The following PCM1 variants were observed in gnomAD, a reference collection of about 807,000 sequenced individuals.
PCM1 encodes the protein pericentriolar material 1 protein.
Under a neutral mutation model 241.9 loss-of-function variants are expected in PCM1, and 157 were observed. That is an observed-to-expected ratio of 0.65 (90% CI 0.57 to 0.74). The LOEUF (loss-of-function observed/expected upper bound fraction) is 0.74, where lower values mean the gene tolerates loss of function less well. Among genes scored for constraint, PCM1 ranks in the 30% least tolerant of loss-of-function variants. The pLI, the probability that PCM1 is intolerant of heterozygous loss-of-function variation, is 0.00. For missense variants in PCM1, 3,478 were observed against 2,360.1 expected, an observed-to-expected ratio of 1.47 and a Z score of -9.81; for synonymous variants, 1,085 against 784.9, an observed-to-expected ratio of 1.38 and a Z score of -6.39.
rs1355928915 is a variant in PCM1, at chr8:18,029,709, CTA to C, written c.*2049_*2050del. The C allele has an allele frequency of 1.0e-5, 2 of 196,560 alleles. No homozygotes were observed. Among genetic ancestry groups the C allele is most frequent in the African/African-American group, 4.6e-5 (2 of 43,312 alleles). 12.2% of individuals were successfully genotyped at this position (196,560 alleles called of 1,614,324 possible). A position where few individuals can be genotyped will look rare whatever the true frequency, so the allele number is the denominator to read the frequency against. On this transcript the variant is annotated 3_prime_UTR_variant, in exon 39 of 39. Transcript: ENST00000325083. ...TTATTTAATCTGTTTTCTCTAGTAA[CTA>C]TTGCTGAAGGGTTAGGCATTCAGTA...
At chr8:17,934,555 C>A (rs1371063082) in intron 2 of PCM1, among the ~76,000 whole-genome samples, 1 of 152,130 alleles carries the variant, frequency 6.6e-6, no homozygotes, top group African/African-American at 2.4e-5. Flanking sequence ...GCCACTGCAC[C>A]CAGCCTATTA....
At chr8:17,940,236 A>ATAG in intron 6 of PCM1, 1 of 732,198 alleles carries the variant, frequency 1.4e-6, no homozygotes, top group South Asian at 1.7e-5. Context: ...TGTTATTTTT[A>ATAG]TAGGCGTTCC....
intron 22 of PCM1, among the ~76,000 whole-genome samples, chr8:17,971,078 G>A (rs2076695783): frequency 6.6e-6 from 1 of 152,256 alleles, no homozygotes; most frequent in Middle Eastern, 3.4e-3. Context: ...GTATGGCTGT[G>A]TTCTGCAATA....
chr8:18,006,342 A>G lies in PCM1; in HGVS notation c.4907A>G (p.Asp1636Gly). The G allele has an allele frequency of 6.2e-7, 1 of 1,613,252 alleles. No individual in the cohort carries two copies. The highest frequency in any genetic ancestry group is 8.5e-7 in the Non-Finnish European group (1 of 1,179,324). ...RMVLTLTQQN[D>G]ESKEFVKFFH... ...GTTTTGACCCTTACCCAGCAAAATG[A>G]TGAGAGCAAAGAGTTTGTAAAGTTC... Residue 1636 changes from aspartate to glycine, a missense_variant, in exon 30 of 39, where the codon GAT becomes GGT. By Grantham distance (94) the Asp-to-Gly change is moderately conservative. Coordinates refer to ENST00000325083, the MANE Select transcript of PCM1 (RefSeq NM_006197.4).
At chr8:18,013,747 A>G (rs10103879) in intron 34 of PCM1, 1 of 469,784 alleles carries the variant, frequency 2.1e-6, no homozygotes, top group Admixed American at 4.2e-5. Flanking sequence ...GTTGTATTAT[A>G]CTGTGTGTGT....
intron 34 of PCM1, among the ~76,000 whole-genome samples, chr8:18,012,128 G>A (rs1462059893): frequency 1.3e-5 from 2 of 151,980 alleles, no homozygotes; most frequent in East Asian, 3.9e-4. Flanking sequence ...CCAAAGTTCT[G>A]GGATTACAGA....
chr8:17,967,041 G>T lies in PCM1; in HGVS notation c.3283G>T (p.Gly1095Cys). 6.2e-7 allele frequency: 1 copy of T among 1,609,530 alleles called. No homozygotes were observed. Among genetic ancestry groups the T allele is most frequent in the Non-Finnish European group, 8.5e-7 (1 of 1,177,790 alleles). ...AAATCAGCATCCAGAAAAACCTGGAGGCAAGGAAAGAGGCAGTAGTGCATC... is the reference window on the plus strand; with the variant it reads ...AAATCAGCATCCAGAAAAACCTGGATGCAAGGAAAGAGGCAGTAGTGCATC... ...QQNQHPEKPGGKERGSSASHP... is the reference protein window; with the variant it reads ...QQNQHPEKPGCKERGSSASHP... Residue 1095 changes from glycine to cysteine, a missense_variant, in exon 21 of 39, where the codon GGC (glycine) becomes TGC (cysteine). Coordinates refer to ENST00000325083, the MANE Select transcript of PCM1 (RefSeq NM_006197.4).
intron 21 of PCM1, among the ~76,000 whole-genome samples, chr8:17,969,202 C>A (rs958212720): frequency 1.3e-5 from 2 of 152,050 alleles, no homozygotes; most frequent in Non-Finnish European, 2.9e-5. Context: ...TGATTTCTAA[C>A]CGTATTTGCT....
chr8:17,946,961 T>G (rs2064049663), intron 6 of PCM1, among the ~76,000 whole-genome samples: 1 of 152,030 alleles, frequency 6.6e-6, no homozygotes, highest in South Asian at 2.1e-4. Context: ...GAGCCATTGA[T>G]TATGTAGCTT....
At chr8:18,013,760 G>T (rs1294695680) in intron 34 of PCM1, 5 of 508,946 alleles carry the variant, frequency 9.8e-6, no homozygotes, top group Non-Finnish European at 1.0e-5. Flanking sequence ...GTGTGTGTGT[G>T]TTTTTAAGGC....
chr8:17,989,355 CAT>C (rs2083697872), intron 26 of PCM1, among the ~76,000 whole-genome samples: 1 of 151,910 alleles, frequency 6.6e-6, no homozygotes, highest in Admixed American at 6.6e-5. Context: ...AATCTGGTTA[CAT>C]GAGTGTATAC....
At chr8:17,995,925 T>G (rs1228128791) in intron 29 of PCM1, among the ~76,000 whole-genome samples, 1 of 152,186 alleles carries the variant, frequency 6.6e-6, no homozygotes, top group African/African-American at 2.4e-5. Flanking sequence ...CTAATAGTAT[T>G]CTTGTGGAGT....
chr8:18,013,504 AACT>A, intron 34 of PCM1, among the ~76,000 whole-genome samples: 1 of 152,270 alleles, frequency 6.6e-6, no homozygotes, highest in East Asian at 1.9e-4. Context: ...AGTTTTAAAC[AACT>A]ACCACCACCG....
At position 18,025,669 on chromosome 8, in the gene PCM1, T is replaced by C. The variant is rs372296135; in HGVS notation, c.6049+11T>C. On this transcript the variant is annotated intron_variant, in intron 38 of 38. Coordinates refer to ENST00000325083, the MANE Select transcript of PCM1 (RefSeq NM_006197.4). ...CACTAAAAGAACCTGGTAAGAGTTA[T>C]CAATTTAAATCTTGCCATATTGAAA... 2.2e-5 allele frequency: 30 copies of C among 1,379,626 alleles called. 1 individual carries two copies. The African/African-American group carries it at 3.2e-4, about 15-fold the overall frequency. 85.5% of individuals were successfully genotyped at this position (1,379,626 alleles called of 1,614,324 possible). A position where few individuals can be genotyped will look rare whatever the true frequency, so the allele number is the denominator to read the frequency against.
At chr8:17,940,033 A>G (rs757792118) in intron 6 of PCM1, 172 bp downstream of exon 6, 3 of 1,524,126 alleles carry the variant, frequency 2.0e-6, no homozygotes, top group Admixed American at 1.8e-5. Flanking sequence ...TACCGCTAAA[A>G]TATTTCAGGC....
At chr8:17,932,197 A>G (rs1665192234) in intron 2 of PCM1, among the ~76,000 whole-genome samples, 1 of 152,132 alleles carries the variant, frequency 6.6e-6, no homozygotes, top group South Asian at 2.1e-4. Flanking sequence ...GTCATTTGAC[A>G]TTTAGTGTTG....
intron 15 of PCM1, among the ~76,000 whole-genome samples, chr8:17,961,389 C>G (rs1413225635): frequency 1.4e-5 from 2 of 141,086 alleles, no homozygotes; most frequent in African/African-American, 5.3e-5. Flanking sequence ...CGGCTCACTG[C>G]AAGCTCCACC....
chr8:17,963,576 A>G (rs1289995978), intron 17 of PCM1, among the ~76,000 whole-genome samples: 1 of 152,212 alleles, frequency 6.6e-6, no homozygotes, highest in Non-Finnish European at 1.5e-5. Context: ...TTAAGTTTAT[A>G]AAAAGAAAAT....
intron 23 of PCM1, 62 bp from the exon 24 acceptor site, chr8:17,980,529 C>G (rs553113934): frequency 3.4e-5 from 47 of 1,401,146 alleles, no homozygotes; most frequent in Non-Finnish European, 4.5e-5. Context: ...CAATGGAAAC[C>G]GATTTCCCTT....
Sources: allele counts gnomAD v4.1 joint callset (sites outside exome capture counted in the v4.1 genomes callset), GRCh38; gene constraint gnomAD v4.1.1; transcripts MANE v1.5; gene names NCBI Gene and HGNC (gene_info 2026-07-23, HGNC 2026-07-21).